Variants in SAMD3 observed in about 807,000 individuals in gnomAD.
SAMD3 encodes the protein sterile alpha motif domain containing 3, also known as sterile alpha motif domain-containing protein 3.
Under a neutral mutation model 58.5 loss-of-function variants are expected in SAMD3, and 63 were observed. The observed-to-expected ratio is 1.08, with a 90% CI of 0.88 to 1.33. SAMD3 has a LOEUF of 1.33. Ranked by LOEUF, SAMD3 falls within the 40% of genes most tolerant of loss-of-function variation. The pLI is 0.00. For synonymous variants in SAMD3, 220 were observed against 210.3 expected (o/e 1.05, Z -0.40); for missense variants, 604 against 608.4 (o/e 0.99, Z 0.08).
At chr6:130,190,512 A>G (rs1407501975) in intron 5 of SAMD3, among the ~76,000 whole-genome samples, 1 of 152,194 alleles carries the variant, frequency 6.6e-6, no homozygotes, top group Non-Finnish European at 1.5e-5. Context: ...GTTTAAAAGA[A>G]ACAAATAGAA....
At chr6:130,308,390 A>ATTCTATTCTATTCTATTCTATTCT (rs1562513021) in intron 2 of SAMD3, among the ~76,000 whole-genome samples, 23 of 144,416 alleles carry the variant, frequency 1.6e-4, no homozygotes, top group African/African-American at 3.7e-4. Flanking sequence ...ATTCTATTCT[A>ATTCTATTCTATTCTATTCTATTCT]TTCTATTCTA....
chr6:130,159,695 G>T (rs1790110447), intron 8 of SAMD3: 2 of 152,038 alleles, frequency 1.3e-5, no homozygotes, highest in South Asian at 4.2e-4. Flanking sequence ...ACACCAGAAA[G>T]AAATTTAAAA....
At chr6:130,242,611 T>C (rs1486615981) in intron 2 of SAMD3, among the ~76,000 whole-genome samples, 1 of 152,182 alleles carries the variant, frequency 6.6e-6, no homozygotes, top group African/African-American at 2.4e-5. Context: ...CTCTGAGGAA[T>C]AAGAAGGAAG....
At chr6:130,204,925 C>T (rs1328253303) in intron 5 of SAMD3, among the ~76,000 whole-genome samples, 1 of 152,036 alleles carries the variant, frequency 6.6e-6, no homozygotes, top group African/African-American at 2.4e-5. Context: ...TGGGACCTCA[C>T]AGGACTACAT....
intron 2 of SAMD3, chr6:130,215,737 A>C (rs1795967115): frequency 2.7e-6 from 4 of 1,493,428 alleles, no homozygotes; most frequent in Non-Finnish European, 3.6e-6. Context: ...AGGAAGGATC[A>C]GATAAAAGCC....
chr6:130,193,029 G>A (rs1378184248), intron 5 of SAMD3, among the ~76,000 whole-genome samples: 3 of 152,088 alleles, frequency 2.0e-5, no homozygotes, highest in Admixed American at 6.5e-5. Flanking sequence ...CCAAAACTCC[G>A]GTGCCAGTCA....
intron 2 of SAMD3, among the ~76,000 whole-genome samples, chr6:130,275,147 C>A (rs1320551907): frequency 1.3e-5 from 2 of 152,092 alleles, no homozygotes; most frequent in African/African-American, 4.8e-5. Flanking sequence ...CTGTATTTTT[C>A]TCTTTGATTC....
At chr6:130,294,893 T>C (rs1337106555) in intron 2 of SAMD3, among the ~76,000 whole-genome samples, 3 of 149,456 alleles carry the variant, frequency 2.0e-5, no homozygotes, top group Non-Finnish European at 4.5e-5. Context: ...GTCTAATTTT[T>C]CCATACATTT....
intron 5 of SAMD3, among the ~76,000 whole-genome samples, chr6:130,194,854 T>C (rs190553386): frequency 6.6e-6 from 1 of 152,296 alleles, no homozygotes; most frequent in East Asian, 1.9e-4. Context: ...TACAGGACCA[T>C]CACAGATGCT....
intron 2 of SAMD3, among the ~76,000 whole-genome samples, chr6:130,274,196 C>T (rs1774690318): frequency 1.3e-5 from 2 of 152,146 alleles, no homozygotes; most frequent in East Asian, 1.9e-4. Context: ...AGTACCTTGA[C>T]TATATCCTAC....
intron 1 of SAMD3, among the ~76,000 whole-genome samples, chr6:130,334,131 A>G (rs1292818699): frequency 1.3e-5 from 2 of 152,218 alleles, no homozygotes; most frequent in Non-Finnish European, 2.9e-5. Flanking sequence ...AAAAAAACTA[A>G]GAATATTCTC....
intron 8 of SAMD3, among the ~76,000 whole-genome samples, chr6:130,159,362 T>G (rs1790076518): frequency 6.6e-6 from 1 of 152,214 alleles, no homozygotes; most frequent in African/African-American, 2.4e-5. Context: ...AATAAGCCTC[T>G]TTATTTTGTA....
At chr6:130,210,905 G>A (rs374447146) in intron 4 of SAMD3, among the ~76,000 whole-genome samples, 344 of 152,116 alleles carry the variant, frequency 2.3e-3, no homozygotes, top group African/African-American at 7.7e-3. Context: ...TGGATCACGC[G>A]GTCAGGAGAT....
intron 2 of SAMD3, among the ~76,000 whole-genome samples, chr6:130,264,101 C>A (rs149643214): frequency 4.1e-4 from 62 of 152,326 alleles, no homozygotes; most frequent in African/African-American, 1.5e-3. Flanking sequence ...AATTGTTATG[C>A]TTGTGCACAT....
intron 9 of SAMD3, among the ~76,000 whole-genome samples, chr6:130,147,904 A>C (rs536566469): frequency 2.0e-5 from 3 of 152,366 alleles, no homozygotes; most frequent in Non-Finnish European, 4.4e-5. Context: ...AGATTTATGC[A>C]TTTCTGGCAA....
At chr6:130,180,243 C>T (rs1202912786) in intron 7 of SAMD3, among the ~76,000 whole-genome samples, 1 of 151,424 alleles carries the variant, frequency 6.6e-6, no homozygotes, top group Non-Finnish European at 1.5e-5. Context: ...ACCTCAGCCT[C>T]CCAAGTAGCT....
At chr6:130,150,174 A>G (rs1789023958) in intron 9 of SAMD3, among the ~76,000 whole-genome samples, 1 of 152,116 alleles carries the variant, frequency 6.6e-6, no homozygotes, top group African/African-American at 2.4e-5. Flanking sequence ...GTGATGATAC[A>G]TGGAATTTAC....
chr6:130,300,977 C>A (rs61021966), intron 2 of SAMD3, among the ~76,000 whole-genome samples: 17,553 of 152,082 alleles, frequency 0.12, 2,751 homozygotes, highest in African/African-American at 0.36. Flanking sequence ...CTCAGCCCCC[C>A]ACCTCCAACC....
chr6:130,227,672 CA>C (rs748119919), upstream of SAMD3, among the ~76,000 whole-genome samples: 1 of 151,846 alleles, frequency 6.6e-6, no homozygotes, highest in Non-Finnish European at 1.5e-5. Flanking sequence ...CCTATAGTCC[CA>C]GCTACTTGAG....
Sources: allele counts gnomAD v4.1 joint callset (sites outside exome capture counted in the v4.1 genomes callset), GRCh38; gene constraint gnomAD v4.1.1; transcripts MANE v1.5; gene names NCBI Gene and HGNC (gene_info 2026-07-23, HGNC 2026-07-21).